RHOQ: variants seen among roughly 807,000 people sequenced by gnomAD.
The protein encoded by RHOQ is rho-related GTP-binding protein RhoQ.
RHOQ carries 7 observed loss-of-function variants against 25.8 expected under a neutral mutation model. The ratio of observed to expected loss-of-function variants is 0.27; its 90% CI spans 0.15 to 0.51. The LOEUF is 0.51. Among genes scored for constraint, RHOQ ranks in the 20% least tolerant of loss-of-function variants. The probability of loss-of-function intolerance (pLI) is 0.97; values close to 1 mark genes in which losing one functional copy is unlikely to be tolerated. For missense variants in RHOQ, 165 were observed against 260.6 expected, an observed-to-expected ratio of 0.63 and a Z score of 2.53; for synonymous variants, 97 against 98.6, an observed-to-expected ratio of 0.98 and a Z score of 0.10.
In RHOQ at chr2:46,584,635, A is replaced by G. The variant is rs1669508512; in HGVS notation, c.*3552A>G. ...TTGGTTATTCATGTTATGTAAATCA[A>G]GAAGTGCATGCCATCAGCAAATTAA... On this transcript the variant is annotated 3_prime_UTR_variant, in exon 5 of 5. Coordinates refer to ENST00000238738, the MANE Select transcript of RHOQ (RefSeq NM_012249.4). Among the ~76,000 whole-genome samples, 1 of 152,210 alleles carries G rather than the reference A, an allele frequency of 6.6e-6. No homozygotes were observed. The highest frequency in any genetic ancestry group is 2.1e-4 in the South Asian group (1 of 4,836).
intron 2 of RHOQ, chr2:46,560,557 G>A (rs1478677439): frequency 2.2e-6 from 1 of 456,094 alleles, no homozygotes; most frequent in African/African-American, 2.0e-5. Context: ...TTTCTGGGAG[G>A]AGATTTCTGT....
intron 2 of RHOQ, among the ~76,000 whole-genome samples, chr2:46,546,519 C>T (rs34687678): frequency 0.42 from 15,628 of 36,826 alleles, 3,139 homozygotes; most frequent in Non-Finnish European, 0.52. Context: ...TATGTATATA[C>T]ATATATATAT....
At chr2:46,574,849 C>T (rs758614066) in intron 2 of RHOQ, among the ~76,000 whole-genome samples, 14 of 152,122 alleles carry the variant, frequency 9.2e-5, no homozygotes, top group East Asian at 1.9e-4. Context: ...TGCTGAAACT[C>T]CAAGTGGAAG....
intron 2 of RHOQ, among the ~76,000 whole-genome samples, chr2:46,553,391 A>C (rs1355861996): frequency 6.6e-6 from 1 of 152,094 alleles, no homozygotes; most frequent in Non-Finnish European, 1.5e-5. Context: ...GGCACATGAA[A>C]TGTTTAGATA....
Position 46,548,541 on chromosome 2 carries a change from A to C in RHOQ, c.201+4729A>C, listed in dbSNP as rs1018296789. Among the ~76,000 whole-genome samples the C allele has an allele frequency of 6.6e-6, 1 of 152,170 alleles. No individual in the cohort carries two copies. Among genetic ancestry groups the C allele is most frequent in the Admixed American group, 6.5e-5 (1 of 15,282 alleles). On this transcript the variant is annotated intron_variant, in intron 2 of 4. Transcript: ENST00000238738. This position sits in a 1 kb window ranked among gnomAD's most constrained non-coding sequence, Gnocchi z 5.2. ...ACCAGACAGAGATGTGATTAGGAAAAAGGTTTTCTACTTTGGAGAAGGCCT... is the reference window on the plus strand; with the variant it reads ...ACCAGACAGAGATGTGATTAGGAAACAGGTTTTCTACTTTGGAGAAGGCCT...
At position 46,543,013 on chromosome 2, in the gene RHOQ, G is replaced by C; in HGVS notation, c.-34G>C. On this transcript the variant is annotated 5_prime_UTR_variant, in exon 1 of 5. Coordinates refer to ENST00000238738, the MANE Select transcript of RHOQ (RefSeq NM_012249.4). ...GCCCGGGGCCGGGGCGGGGGCTCCG[G>C]GGGGACCATGCCCGGAGGCCGGCCG... 1.3e-6 allele frequency: 2 copies of C among 1,515,154 alleles called. No individual in the cohort carries two copies. Among genetic ancestry groups the C allele is most frequent in the Non-Finnish European group, 1.8e-6 (2 of 1,131,820 alleles). The allele number at this position is 1,515,154 out of a possible 1,614,324, so 93.9% of individuals were successfully genotyped here.
At chr2:46,571,651 C>G (rs1010325365) in intron 2 of RHOQ, among the ~76,000 whole-genome samples, 1 of 152,142 alleles carries the variant, frequency 6.6e-6, no homozygotes, top group African/African-American at 2.4e-5. Flanking sequence ...TTGTATATGA[C>G]TGTCTTTTTA....
chr2:46,560,920 TACAAATTGATTTTCATTA>T (rs1224482466), intron 2 of RHOQ, among the ~76,000 whole-genome samples: 2 of 151,842 alleles, frequency 1.3e-5, no homozygotes, highest in African/African-American at 4.8e-5. Flanking sequence ...TAATAACAAT[TACAAATTGATTTTCATTA>T]ACTTAATTTT....
chr2:46,553,154 C>T (rs1399689288), intron 2 of RHOQ, among the ~76,000 whole-genome samples: 7 of 152,096 alleles, frequency 4.6e-5, no homozygotes, highest in African/African-American at 1.2e-4. Context: ...GTGATTGTGA[C>T]GCAGGCTAAA....
intron 4 of RHOQ, among the ~76,000 whole-genome samples, chr2:46,578,454 G>A (rs1220964400): frequency 1.3e-5 from 2 of 151,354 alleles, no homozygotes; most frequent in Non-Finnish European, 2.9e-5. Context: ...TGGTGGTGCT[G>A]GGCACGGTGG....
intron 2 of RHOQ, among the ~76,000 whole-genome samples, chr2:46,559,760 TA>T (rs761794671): frequency 1.3e-5 from 2 of 152,284 alleles, no homozygotes; most frequent in South Asian, 2.1e-4. Context: ...GGGGTCTTTT[TA>T]TTGGGGAACC....
At chr2:46,575,238 C>G (rs1432455988) in intron 2 of RHOQ, among the ~76,000 whole-genome samples, 1 of 152,074 alleles carries the variant, frequency 6.6e-6, no homozygotes, top group African/African-American at 2.4e-5. Context: ...TGCATGATTT[C>G]ATTTTATGTA....
rs1669132585 is a variant in RHOQ, at chr2:46,576,464, CT to C, written c.367-90del. 8.7e-6 allele frequency: 8 copies of C among 919,476 alleles called. No homozygotes were observed. Among genetic ancestry groups the C allele is most frequent in the East Asian group, 5.1e-5 (2 of 39,034 alleles). 57.0% of individuals were successfully genotyped at this position (919,476 alleles called of 1,614,324 possible). A position where few individuals can be genotyped will look rare whatever the true frequency, so the allele number is the denominator to read the frequency against. ...TAAAAATTAAGTTCTTTTGTTTAAT[CT>C]TTTTTTGGTATGTGGGAATTAAGTG... On this transcript the variant is annotated intron_variant, in intron 3 of 4. Coordinates refer to ENST00000238738, the MANE Select transcript of RHOQ (RefSeq NM_012249.4). The surrounding 1 kb of genome is among the most constrained non-coding windows in gnomAD (Gnocchi z 5.1).
intron 2 of RHOQ, among the ~76,000 whole-genome samples, chr2:46,565,819 T>C (rs1287073491): frequency 6.6e-6 from 1 of 151,938 alleles, no homozygotes; most frequent in East Asian, 1.9e-4. Flanking sequence ...CCTCAGGGAG[T>C]CCTGATGCAG....
chr2:46,581,516 A>G lies in RHOQ; in HGVS notation c.*433A>G. 6.2e-7 allele frequency: 1 copy of G among 1,611,600 alleles called. No individual in the cohort carries two copies. The highest frequency in any genetic ancestry group is 8.5e-7 in the Non-Finnish European group (1 of 1,179,584). ...TATGTAAGTTGCTTTCTATTCCAGT[A>G]TATCCAGAGTGGTGAAATAACAAGG... On this transcript the variant is annotated 3_prime_UTR_variant, in exon 5 of 5. Coordinates refer to ENST00000238738, the MANE Select transcript of RHOQ (RefSeq NM_012249.4).
rs371750832 is a variant in RHOQ at position 46,543,807 on chromosome 2, G to A, written c.196G>A (p.Gly66Arg). 1.9e-6 allele frequency: 3 copies of A among 1,613,156 alleles called. No homozygotes were observed. The highest frequency in any genetic ancestry group is 1.3e-5 in the African/African-American group (1 of 74,912). Reference protein sequence around the residue: ...QYLLGLYDTAGQEDYDRLRPL... With the variant: ...QYLLGLYDTARQEDYDRLRPL... The stretch of plus-strand genomic sequence containing the variant: ...CCTCCTAGGACTCTATGACACGGCC[G>A]GACAGGTGAGTGTCTTGGCCTCTGG... Residue 66 changes from glycine (G) to arginine (R), a missense_variant, in exon 2 of 5, where the codon GGA becomes AGA. Gly to Arg is a moderately radical substitution (Grantham distance 125). Transcript: ENST00000238738.
intron 2 of RHOQ, among the ~76,000 whole-genome samples, chr2:46,558,345 A>G (rs563381389): frequency 7.9e-5 from 12 of 152,350 alleles, no homozygotes; most frequent in Non-Finnish European, 1.8e-4. Context: ...TTCCTGAGAA[A>G]AGAGTCATTG....
chr2:46,573,451 G>A (rs1378710793), intron 2 of RHOQ, among the ~76,000 whole-genome samples: 1 of 152,162 alleles, frequency 6.6e-6, no homozygotes, highest in African/African-American at 2.4e-5. Context: ...TTTCCAAGGA[G>A]GTCTAAACAT....
At chr2:46,559,131 G>C (rs943627159) in intron 2 of RHOQ, among the ~76,000 whole-genome samples, 7 of 151,914 alleles carry the variant, frequency 4.6e-5, no homozygotes, top group African/African-American at 1.7e-4. Context: ...TTTTTTGTTT[G>C]TTTGTTTCTT....
Sources: allele counts gnomAD v4.1 joint callset (sites outside exome capture counted in the v4.1 genomes callset), GRCh38; gene constraint gnomAD v4.1.1; non-coding constraint Gnocchi (gnomAD v3.1); transcripts MANE v1.5; gene names NCBI Gene and HGNC (gene_info 2026-07-23, HGNC 2026-07-21).